ACP3: variants seen among roughly 807,000 people sequenced by gnomAD.
ACP3 encodes acid phosphatase 3.
Under a neutral mutation model 45.6 loss-of-function variants are expected in ACP3, and 38 were observed. The observed-to-expected ratio is 0.83, with a 90% CI of 0.64 to 1.09. The LOEUF (loss-of-function observed/expected upper bound fraction) is 1.09. Among genes scored for constraint, ACP3 ranks in the 50% least tolerant of loss-of-function variants. ACP3 has a pLI of 0.00. For synonymous variants in ACP3, 162 were observed against 164.7 expected (o/e 0.98, Z 0.13); for missense variants, 466 against 463.2 (o/e 1.01, Z -0.05).
rs759194452 is a variant in ACP3 at position 132,357,282 on chromosome 3, CA to C, written c.*413del. On this transcript the variant is annotated 3_prime_UTR_variant, in exon 10 of 10. Coordinates refer to ENST00000336375, the MANE Select transcript of ACP3 (RefSeq NM_001099.5). ...TAAATGTCTGAAATGGAACAGATTT[CA>C]AAAAAAAACCCCACAATCTAGGATG... 3.7e-5 allele frequency: 36 copies of C among 977,288 alleles called. No individual in the cohort carries two copies. The highest frequency in any genetic ancestry group is 1.4e-4 in the African/African-American group (8 of 56,612). The allele number at this position is 977,288 out of a possible 1,614,324, so 60.5% of individuals were successfully genotyped here.
At chr3:132,352,556 C>T (rs1937773971) in intron 8 of ACP3, among the ~76,000 whole-genome samples, 164 bp from the exon 9 acceptor site, 1 of 152,180 alleles carries the variant, frequency 6.6e-6, no homozygotes, top group South Asian at 2.1e-4. Context: ...CTGCCTAGCA[C>T]ACCGCTAATG....
chr3:132,328,260 C>G lies in ACP3; in HGVS notation c.121-7C>G, dbSNP rs1355525861. 7 of 1,611,862 alleles carry G rather than the reference C, an allele frequency of 4.3e-6. No individual in the cohort carries two copies. The African/African-American group carries it at 8.0e-5, about 18-fold the overall frequency. On this transcript the variant is annotated splice_polypyrimidine_tract_variant and splice_region_variant and intron_variant, in intron 1 of 9. Coordinates refer to ENST00000336375, the MANE Select transcript of ACP3 (RefSeq NM_001099.5). ...TTGTAACATCACTCTCTCACATCTACTTTCAGGTGTTTCGGCATGGAGACC... is the reference window on the plus strand; with the variant it reads ...TTGTAACATCACTCTCTCACATCTAGTTTCAGGTGTTTCGGCATGGAGACC...
intron 10 of ACP3, among the ~76,000 whole-genome samples, chr3:132,366,388 G>A (rs565047414): frequency 9.9e-5 from 15 of 152,216 alleles, no homozygotes; most frequent in South Asian, 2.1e-4. Context: ...GGCAAAAGAC[G>A]ATGGTGGTTC....
At chr3:132,335,970 A>T (rs552292026) in intron 4 of ACP3, among the ~76,000 whole-genome samples, 57 of 152,326 alleles carry the variant, frequency 3.7e-4, no homozygotes, top group Middle Eastern at 3.4e-3. Flanking sequence ...TGCTTAAAAA[A>T]TAATAATAGG....
chr3:132,318,787 A>G lies in ACP3; in HGVS notation c.120+1211A>G, dbSNP rs1202454210. Among the ~76,000 whole-genome samples the G allele has an allele frequency of 2.0e-4, 31 of 152,210 alleles. 1 individual carries two copies. The highest frequency in any genetic ancestry group is 2.0e-3 in the Admixed American group (31 of 15,280). On this transcript the variant is annotated intron_variant, in intron 1 of 9. Coordinates refer to ENST00000336375, the MANE Select transcript of ACP3 (RefSeq NM_001099.5). ...TTCTATCAGTAGTTTTCTTGCTAAC[A>G]TGTGCATGAGGCAAGTTTAGGGACT...
At chr3:132,362,868 T>C (rs964017388), downstream of ACP3, among the ~76,000 whole-genome samples, 2 of 152,188 alleles carry the variant, frequency 1.3e-5, no homozygotes, top group African/African-American at 4.8e-5. Flanking sequence ...AAGTGCTCCA[T>C]AGGTCAAGTT....
chr3:132,345,838 TTGGGG>T (rs1937603059), intron 7 of ACP3, among the ~76,000 whole-genome samples: 2 of 152,132 alleles, frequency 1.3e-5, no homozygotes. Context: ...AGGACAGATG[TTGGGG>T]CTTATGAGAG....
chr3:132,355,429 C>G (rs17182777), intron 9 of ACP3, among the ~76,000 whole-genome samples: 18,930 of 151,386 alleles, frequency 0.13, 1,400 homozygotes, highest in Non-Finnish European at 0.18. Context: ...AGTACCCATT[C>G]ATAATACATA....
chr3:132,347,233 C>T (rs985298604), intron 7 of ACP3, among the ~76,000 whole-genome samples: 1 of 152,206 alleles, frequency 6.6e-6, no homozygotes, highest in Non-Finnish European at 1.5e-5. Context: ...CATTGTTAAG[C>T]AGGAAAATTT....
At chr3:132,338,999 G>C (rs1937522586) in intron 5 of ACP3, among the ~76,000 whole-genome samples, 1 of 152,006 alleles carries the variant, frequency 6.6e-6, no homozygotes, top group Admixed American at 6.5e-5. Flanking sequence ...AGTACTCATT[G>C]GTTATTTTTC....
At chr3:132,356,428 C>T (rs1457207215) in intron 9 of ACP3, among the ~76,000 whole-genome samples, 1 of 152,126 alleles carries the variant, frequency 6.6e-6, no homozygotes, top group African/African-American at 2.4e-5. Flanking sequence ...CTTCTCACCA[C>T]CTCCTCTGAT....
chr3:132,339,608 T>C (rs1403780695), intron 5 of ACP3, among the ~76,000 whole-genome samples: 1 of 152,188 alleles, frequency 6.6e-6, no homozygotes, highest in Admixed American at 6.5e-5. Flanking sequence ...GGAAACACAG[T>C]TATTGGTTAT....
At chr3:132,347,355 C>G (rs1937621332) in intron 7 of ACP3, among the ~76,000 whole-genome samples, 1 of 152,208 alleles carries the variant, frequency 6.6e-6, no homozygotes, top group African/African-American at 2.4e-5. Flanking sequence ...TGCACACATT[C>G]CTGCACAGAA....
At chr3:132,343,944 G>A (rs1160174681) in intron 6 of ACP3, among the ~76,000 whole-genome samples, 3 of 152,008 alleles carry the variant, frequency 2.0e-5, no homozygotes, top group Non-Finnish European at 4.4e-5. Flanking sequence ...GATGAGCCTG[G>A]GCAGCATAAT....
chr3:132,357,629 C>T lies in ACP3; in HGVS notation c.*751C>T. On this transcript the variant is annotated 3_prime_UTR_variant, in exon 10 of 10. Coordinates refer to ENST00000336375, the MANE Select transcript of ACP3 (RefSeq NM_001099.5). The stretch of plus-strand genomic sequence containing the variant: ...AGCTCTTGAAGTATATATATCATAG[C>T]AAATAAGTCATCTGATGAGAACAAG... 1.0e-6 allele frequency: 1 copy of T among 984,650 alleles called. No individual in the cohort carries two copies. Among genetic ancestry groups the T allele is most frequent in the Non-Finnish European group, 1.2e-6 (1 of 829,322 alleles). 61.0% of individuals were successfully genotyped at this position (984,650 alleles called of 1,614,324 possible).
chr3:132,367,876 G>C, exon 11 of ACP3: 1 of 1,293,158 alleles, frequency 7.7e-7, no homozygotes, highest in South Asian at 1.2e-5. Context: ...TCTCTCAGTG[G>C]TGCCGCATCT....
rs187468526 is a variant in ACP3, at chr3:132,355,717, C to T, written c.969-969C>T. On this transcript the variant is annotated intron_variant, in intron 9 of 9. Transcript: ENST00000336375. ...ATTTTTAGTAGAGACGGGGTTTCAC[C>T]GTGTTAGCCAGGATGGTCTCGATCT... Among the ~76,000 whole-genome samples, 434 of 152,134 alleles carry T rather than the reference C, an allele frequency of 2.9e-3. 1 individual carries two copies. Among genetic ancestry groups the T allele is most frequent in the African/African-American group, 9.9e-3 (410 of 41,510 alleles).
intron 4 of ACP3, 33 bp from the exon 5 acceptor site, chr3:132,337,423 A>G (rs376785384): frequency 7.0e-6 from 10 of 1,430,362 alleles, no homozygotes; most frequent in Non-Finnish European, 8.8e-6. Flanking sequence ...TTTCTGACTC[A>G]TAACAGTTTT....
At chr3:132,342,765 G>T in intron 6 of ACP3, 121 bp downstream of exon 6, 1 of 537,372 alleles carries the variant, frequency 1.9e-6, no homozygotes, top group Non-Finnish European at 3.1e-6. Flanking sequence ...TACTTCTTTT[G>T]ACATTGAAAC....
Sources: gnomAD v4.1 joint callset for allele counts (sites outside exome capture counted in the v4.1 genomes callset) on GRCh38, gnomAD v4.1.1 for gene constraint, MANE v1.5 for transcripts, NCBI Gene and HGNC (gene_info 2026-07-23, HGNC 2026-07-21) for gene names.